Variants in COL8A1 observed in about 807,000 individuals in gnomAD.
COL8A1 encodes the protein collagen alpha-1(VIII) chain.
In COL8A1, 21 loss-of-function variants were observed where a neutral mutation model predicts 42.7. That is an observed-to-expected ratio of 0.49 (90% CI 0.35 to 0.71). COL8A1 has a LOEUF of 0.71. Among genes scored for constraint, COL8A1 ranks in the 30% least tolerant of loss-of-function variants. The pLI, the probability that COL8A1 is intolerant of heterozygous loss-of-function variation, is 0.01. For synonymous variants in COL8A1, 367 were observed against 369.1 expected (o/e 0.99, Z 0.06); for missense variants, 788 against 962.4 (o/e 0.82, Z 2.40).
chr3:99,734,925 G>A (rs978047041), intron 1 of COL8A1, among the ~76,000 whole-genome samples: 9 of 150,964 alleles, frequency 6.0e-5, no homozygotes, highest in Admixed American at 3.3e-4. Context: ...GTGAATGGGA[G>A]TTCACTCATG....
At chr3:99,734,065 G>A (rs1407900393) in intron 1 of COL8A1, among the ~76,000 whole-genome samples, 1 of 152,048 alleles carries the variant, frequency 6.6e-6, no homozygotes, top group Non-Finnish European at 1.5e-5. Flanking sequence ...TGTCACATGA[G>A]TAGGTTGTGA....
At chr3:99,695,657 C>T (rs1243559145) in intron 1 of COL8A1, among the ~76,000 whole-genome samples, 3 of 151,950 alleles carry the variant, frequency 2.0e-5, no homozygotes, top group African/African-American at 7.3e-5. Flanking sequence ...TCCTACTTTT[C>T]TTTCTATCAT....
intron 1 of COL8A1, among the ~76,000 whole-genome samples, chr3:99,725,073 ATAAACAACAGCTGTTAC>A (rs1940265913): frequency 6.6e-6 from 1 of 152,154 alleles, no homozygotes; most frequent in Non-Finnish European, 1.5e-5. Context: ...GACATCCTCA[ATAAACAACAGCTGTTAC>A]TATTACTGAA....
At chr3:99,673,320 C>T (rs191540914) in intron 1 of COL8A1, among the ~76,000 whole-genome samples, 1 of 152,138 alleles carries the variant, frequency 6.6e-6, no homozygotes, top group East Asian at 1.9e-4. Flanking sequence ...GGAAGAGGGG[C>T]TTGGTTGCCC....
At position 99,793,714 on chromosome 3, in the gene COL8A1, A is replaced by T. The variant is rs550747329; in HGVS notation, c.329-516A>T. On this transcript the variant is annotated intron_variant, in intron 3 of 3. Coordinates refer to ENST00000652472, the MANE Select transcript of COL8A1 (RefSeq NM_020351.4). ...TATCAAAAAAATACCTCAAATACATAAAAAAAAATTGTCAGCTTGATTTTT... is the reference window on the plus strand; with the variant it reads ...TATCAAAAAAATACCTCAAATACATTAAAAAAAATTGTCAGCTTGATTTTT... Among the ~76,000 whole-genome samples, 14 of 150,590 alleles carry T rather than the reference A, an allele frequency of 9.3e-5. No homozygotes were observed. In the East Asian group the frequency reaches 2.3e-3, roughly 25 times the overall value.
intron 2 of COL8A1, among the ~76,000 whole-genome samples, chr3:99,753,515 G>A (rs1179647563): frequency 6.6e-6 from 1 of 152,164 alleles, no homozygotes; most frequent in East Asian, 1.9e-4. Flanking sequence ...AAACACTGAC[G>A]CCAGGGTTGG....
chr3:99,798,061 G>A lies in COL8A1; in HGVS notation c.*1925G>A, dbSNP rs539061658. On this transcript the variant is annotated 3_prime_UTR_variant, in exon 4 of 4. Transcript: ENST00000652472. ...TGAGTTAAGGGGATAGATATAGATG[G>A]AAAAATACACAAATAAATACGGTAT... is the stretch of plus-strand genomic sequence containing the variant. The A allele has an allele frequency of 6.6e-6, 1 of 152,216 alleles. No homozygotes were observed. Among genetic ancestry groups the A allele is most frequent in the Admixed American group, 6.5e-5 (1 of 15,284 alleles). The allele number at this position is 152,216 out of a possible 1,614,324, so 9.4% of individuals were successfully genotyped here. A position where few individuals can be genotyped will look rare whatever the true frequency, so the allele number is the denominator to read the frequency against.
intron 1 of COL8A1, among the ~76,000 whole-genome samples, chr3:99,652,219 T>C (rs1359541802): frequency 6.6e-6 from 1 of 152,268 alleles, no homozygotes; most frequent in Non-Finnish European, 1.5e-5. Flanking sequence ...TAGCTTCTCA[T>C]ATTTATGAAA....
chr3:99,672,836 G>A (rs1938586491), intron 1 of COL8A1, among the ~76,000 whole-genome samples: 3 of 151,906 alleles, frequency 2.0e-5, no homozygotes, highest in Non-Finnish European at 4.4e-5. Flanking sequence ...AATTCCTTTT[G>A]GAGTAGTTCT....
chr3:99,653,467 CAGTTCCCCT>C (rs1226401267), intron 1 of COL8A1, among the ~76,000 whole-genome samples: 2 of 151,834 alleles, frequency 1.3e-5, no homozygotes, highest in Non-Finnish European at 2.9e-5. Context: ...ATCTCCCCAC[CAGTTCCCCT>C]AAAAGGAAAT....
chr3:99,689,552 T>C (rs1188271877), intron 1 of COL8A1, among the ~76,000 whole-genome samples: 1 of 152,240 alleles, frequency 6.6e-6, no homozygotes, highest in East Asian at 1.9e-4. Flanking sequence ...TTTGTACACT[T>C]CTTTTCATAA....
chr3:99,736,966 G>C (rs551441668), intron 1 of COL8A1, among the ~76,000 whole-genome samples: 1 of 152,174 alleles, frequency 6.6e-6, no homozygotes, highest in Admixed American at 6.5e-5. Flanking sequence ...TTGTTGAATT[G>C]ATCCCTTTAC....
chr3:99,697,098 T>C (rs1939397627), intron 1 of COL8A1, among the ~76,000 whole-genome samples: 1 of 146,292 alleles, frequency 6.8e-6, no homozygotes, highest in East Asian at 2.1e-4. Context: ...GCCATTCTCC[T>C]GCCTCAGCCT....
chr3:99,769,144 G>T (rs1489205812), intron 2 of COL8A1, among the ~76,000 whole-genome samples: 2 of 152,134 alleles, frequency 1.3e-5, no homozygotes, highest in African/African-American at 4.8e-5. Context: ...CTGAATCTCT[G>T]GTTCCTCATC....
At chr3:99,773,816 T>TATATATATATATATATATATATA (rs1491203463) in intron 2 of COL8A1, among the ~76,000 whole-genome samples, 1 of 47,940 alleles carries the variant, frequency 2.1e-5, no homozygotes, top group Non-Finnish European at 4.1e-5. Context: ...TATATGTGTG[T>TATATATATATATATATATATATA]ATATATATAT....
At chr3:99,682,727 G>A (rs548916668) in intron 1 of COL8A1, among the ~76,000 whole-genome samples, 1 of 151,960 alleles carries the variant, frequency 6.6e-6, no homozygotes, top group Non-Finnish European at 1.5e-5. Context: ...GCTCTCCAAT[G>A]CTCAATTTCC....
Position 99,798,804 on chromosome 3 carries a change from A to C in COL8A1, c.*2668A>C, listed in dbSNP as rs1942147052. 1 of 152,252 alleles carries C rather than the reference A, an allele frequency of 6.6e-6. No homozygotes were observed. The allele number at this position is 152,252 out of a possible 1,614,324, so 9.4% of individuals were successfully genotyped here. A position where few individuals can be genotyped will look rare whatever the true frequency, so the allele number is the denominator to read the frequency against. On this transcript the variant is annotated 3_prime_UTR_variant, in exon 4 of 4. Transcript: ENST00000652472. ...AAATGATACTCCATTTAATTTAAAA[A>C]AGAGTTTTAAATAATTATCTATGTG...
At position 99,757,928 on chromosome 3, in the gene COL8A1, C is replaced by A. The variant is rs184455244; in HGVS notation, c.-4+12907C>A. ...TCCTTGAGATCTTTGAATCTAAAAC[C>A]TTTTAAAATTTGTATAAGTTATTCT... On this transcript the variant is annotated intron_variant, in intron 2 of 3. Coordinates refer to ENST00000652472, the MANE Select transcript of COL8A1 (RefSeq NM_020351.4). 2.8e-4 allele frequency among the ~76,000 whole-genome samples: 43 copies of A among 152,126 alleles called. No homozygotes were observed. The East Asian group carries it at 7.7e-3, about 27-fold the overall frequency.
intron 2 of COL8A1, among the ~76,000 whole-genome samples, chr3:99,773,400 T>C (rs1044887600): frequency 6.6e-6 from 1 of 152,066 alleles, no homozygotes; most frequent in Admixed American, 6.5e-5. Flanking sequence ...CTATTATCAC[T>C]GCATTTTAGT....
Sources: allele counts gnomAD v4.1 joint callset (sites outside exome capture counted in the v4.1 genomes callset), GRCh38; gene constraint gnomAD v4.1.1; transcripts MANE v1.5; gene names NCBI Gene and HGNC (gene_info 2026-07-23, HGNC 2026-07-21).